Variants in FOXJ3 observed in about 807,000 individuals in gnomAD.
FOXJ3 encodes the protein forkhead box J3.
Under a neutral mutation model 76.1 loss-of-function variants are expected in FOXJ3, and 22 were observed. The observed-to-expected ratio is 0.29, with a 90% CI of 0.21 to 0.41. FOXJ3 has a LOEUF of 0.41. FOXJ3 is among the 10% of genes least tolerant of loss of function. FOXJ3 has a pLI of 1.00. For synonymous variants in FOXJ3, 269 were observed against 261.2 expected (o/e 1.03, Z -0.29); for missense variants, 613 against 762.1 (o/e 0.80, Z 2.30).
At chr1:42,313,753 A>G (rs1368104948) in intron 1 of FOXJ3, among the ~76,000 whole-genome samples, 1 of 152,188 alleles carries the variant, frequency 6.6e-6, no homozygotes, top group African/African-American at 2.4e-5. Context: ...CCACTCACAG[A>G]CAACCTGCCT....
At chr1:42,228,085 C>A in intron 4 of FOXJ3, 119 bp from the exon 5 acceptor site, 1 of 446,196 alleles carries the variant, frequency 2.2e-6, no homozygotes, top group East Asian at 3.4e-5. Context: ...AAAAATAGCA[C>A]AAGAAACACT....
At chr1:42,298,103 T>C (rs1355314881) in intron 2 of FOXJ3, among the ~76,000 whole-genome samples, 1 of 152,072 alleles carries the variant, frequency 6.6e-6, no homozygotes, top group East Asian at 1.9e-4. Context: ...CGAGATCTGA[T>C]GGTTTTACAA....
chr1:42,332,640 T>C (rs17369151), intron 1 of FOXJ3, among the ~76,000 whole-genome samples: 5,909 of 152,268 alleles, frequency 0.039, 147 homozygotes, highest in South Asian at 0.092. Context: ...GAACCCATTG[T>C]GGTACCCTAT....
chr1:42,232,186 C>T (rs1454609388), intron 4 of FOXJ3, among the ~76,000 whole-genome samples: 1 of 151,602 alleles, frequency 6.6e-6, no homozygotes, highest in Non-Finnish European at 1.5e-5. Context: ...TTTTCTTAAT[C>T]CAGTCTATCA....
At chr1:42,298,025 T>C (rs748318992) in intron 2 of FOXJ3, among the ~76,000 whole-genome samples, 4 of 152,020 alleles carry the variant, frequency 2.6e-5, no homozygotes, top group Non-Finnish European at 5.9e-5. Flanking sequence ...CATGGGAGGG[T>C]TCAGTGGCAG....
chr1:42,248,949 T>A (rs984646356), intron 4 of FOXJ3, among the ~76,000 whole-genome samples: 35 of 152,112 alleles, frequency 2.3e-4, no homozygotes, highest in Admixed American at 1.3e-4. Flanking sequence ...TCCCCCTCCC[T>A]GTGTCCATGT....
intron 4 of FOXJ3, 126 bp downstream of exon 4, chr1:42,264,989 G>A (rs1240270230): frequency 9.4e-6 from 7 of 747,146 alleles, no homozygotes; most frequent in African/African-American, 1.7e-5. Context: ...ACAAGCTTTA[G>A]AGCAGGGTGG....
At chr1:42,227,428 A>G (rs190937646) in intron 5 of FOXJ3, among the ~76,000 whole-genome samples, 2 of 152,358 alleles carry the variant, frequency 1.3e-5, no homozygotes, top group African/African-American at 2.4e-5. Flanking sequence ...TTATCTTACA[A>G]GCAATACACA....
intron 2 of FOXJ3, among the ~76,000 whole-genome samples, chr1:42,279,221 G>A (rs528956040): frequency 6.6e-6 from 1 of 152,314 alleles, no homozygotes; most frequent in African/African-American, 2.4e-5. Context: ...GTAGGCGGTA[G>A]GAAGAGTAAA....
intron 6 of FOXJ3, among the ~76,000 whole-genome samples, chr1:42,202,396 A>G (rs1397740707): frequency 1.4e-5 from 2 of 143,364 alleles, no homozygotes; most frequent in African/African-American, 2.8e-5. Context: ...TTTCCTCACT[A>G]TGGGTTGTTT....
At chr1:42,264,998 G>T (rs1328883493) in intron 4 of FOXJ3, 117 bp downstream of exon 4, 6 of 767,944 alleles carry the variant, frequency 7.8e-6, no homozygotes, top group South Asian at 5.6e-5. Context: ...AGAGCAGGGT[G>T]GGGGAGGACT....
At chr1:42,219,159 A>G (rs1472345785) in intron 5 of FOXJ3, among the ~76,000 whole-genome samples, 1 of 152,170 alleles carries the variant, frequency 6.6e-6, no homozygotes, top group Admixed American at 6.5e-5. Flanking sequence ...AAATTCCCAA[A>G]ATAACCAATT....
At chr1:42,284,163 T>C (rs1179424698) in intron 2 of FOXJ3, among the ~76,000 whole-genome samples, 1 of 152,110 alleles carries the variant, frequency 6.6e-6, no homozygotes, top group Non-Finnish European at 1.5e-5. Flanking sequence ...GTTCCTAACA[T>C]AGAGAATTTA....
intron 1 of FOXJ3, among the ~76,000 whole-genome samples, chr1:42,333,041 T>TA (rs1423790074): frequency 4.6e-4 from 70 of 152,136 alleles, no homozygotes; most frequent in Non-Finnish European, 2.4e-4. Context: ...ACTTCACACA[T>TA]AGATAACTCG....
intron 4 of FOXJ3, among the ~76,000 whole-genome samples, chr1:42,236,329 T>C (rs1648625526): frequency 6.6e-6 from 1 of 152,172 alleles, no homozygotes; most frequent in African/African-American, 2.4e-5. Context: ...TAGGTAGGAC[T>C]ATAAGTTCCT....
chr1:42,261,757 T>C (rs1651056883), intron 4 of FOXJ3, among the ~76,000 whole-genome samples: 3 of 152,176 alleles, frequency 2.0e-5, no homozygotes, highest in Admixed American at 1.3e-4. Context: ...GTCCGTCCCA[T>C]ACCCAAGACC....
chr1:42,300,734 G>A (rs184442835), intron 2 of FOXJ3, among the ~76,000 whole-genome samples: 2 of 152,126 alleles, frequency 1.3e-5, no homozygotes, highest in Admixed American at 6.6e-5. Context: ...CTGTGATCAC[G>A]CCACTGTACT....
At chr1:42,251,649 C>T (rs1372101313) in intron 4 of FOXJ3, among the ~76,000 whole-genome samples, 1 of 151,092 alleles carries the variant, frequency 6.6e-6, no homozygotes, top group African/African-American at 2.4e-5. Flanking sequence ...AGGGATGAAG[C>T]CCACTTGATC....
chr1:42,268,252 T>G (rs1253690876), intron 3 of FOXJ3, among the ~76,000 whole-genome samples: 2 of 151,806 alleles, frequency 1.3e-5, no homozygotes, highest in African/African-American at 2.4e-5. Flanking sequence ...AGGTAAGAAT[T>G]ACAGTGGACT....
Sources: gnomAD v4.1 joint callset for allele counts (sites outside exome capture counted in the v4.1 genomes callset) on GRCh38, gnomAD v4.1.1 for gene constraint, MANE v1.5 for transcripts, NCBI Gene and HGNC (gene_info 2026-07-23, HGNC 2026-07-21) for gene names.